SNX5: variants seen among roughly 807,000 people sequenced by gnomAD.
SNX5 encodes the protein sorting nexin 5.
Under a neutral mutation model 53.9 loss-of-function variants are expected in SNX5, and 31 were observed. The observed-to-expected ratio is 0.58, with a 90% CI of 0.43 to 0.78. The LOEUF (loss-of-function observed/expected upper bound fraction) is 0.78. Ranked by LOEUF, SNX5 falls within the 30% of genes least tolerant of loss-of-function variation. SNX5 has a pLI of 0.00. For missense variants in SNX5, 471 were observed against 478.8 expected (o/e 0.98, Z 0.15); for synonymous variants, 168 against 171.1 (o/e 0.98, Z 0.14).
At chr20:17,952,140 G>A (rs992998990) in intron 5 of SNX5, among the ~76,000 whole-genome samples, 6 of 152,066 alleles carry the variant, frequency 3.9e-5, no homozygotes, top group African/African-American at 1.4e-4. Flanking sequence ...GGAGAATGGC[G>A]TGAACCCAGA....
rs764792798 is a variant in SNX5 at position 17,951,590 on chromosome 20, A to C, written c.519T>G (p.Ser173Arg). 3 of 1,606,648 alleles carry C rather than the reference A, an allele frequency of 1.9e-6. No homozygotes were observed. The highest frequency in any genetic ancestry group is 2.6e-6 in the Non-Finnish European group (3 of 1,173,880). Residue 173 changes from serine to arginine, a missense_variant, in exon 6 of 13, where the codon AGT becomes AGG. Ser to Arg is a moderately radical substitution (Grantham distance 110). Transcript: ENST00000377759. The stretch of plus-strand genomic sequence containing the variant: ...TCTCTTTAGTATTTTTCCGCCTAAC[A>C]CTTAGCTAAAAGAAGAAAATTCCAA... ...HVFLEYDQDLSVRRKNTKEMF... is the reference protein window; with the variant it reads ...HVFLEYDQDLRVRRKNTKEMF...
chr20:17,947,458 G>A (rs775729161), intron 11 of SNX5, 28 bp downstream of exon 11: 36 of 1,604,286 alleles, frequency 2.2e-5, no homozygotes, highest in Middle Eastern at 1.7e-4. Flanking sequence ...TCAAATTACA[G>A]TACAGAAAGA....
intron 6 of SNX5, 35 bp from the exon 7 acceptor site, chr20:17,950,431 G>T: frequency 8.5e-7 from 1 of 1,170,296 alleles, no homozygotes; most frequent in Non-Finnish European, 1.3e-6. Flanking sequence ...GACATTTCAT[G>T]AAATATACTA....
intron 6 of SNX5, chr20:17,951,183 T>C: frequency 3.7e-6 from 1 of 270,454 alleles, no homozygotes; most frequent in East Asian, 8.1e-5. Flanking sequence ...AACTGGACAG[T>C]GTAGTTCTGA....
chr20:17,953,368 C>T (rs902012732), intron 4 of SNX5, among the ~76,000 whole-genome samples: 2 of 152,230 alleles, frequency 1.3e-5, no homozygotes, highest in African/African-American at 4.8e-5. Flanking sequence ...TTCCAAAAAT[C>T]TATTTTTGTT....
At position 17,951,582 on chromosome 20, in the gene SNX5, C is replaced by T. The variant is rs373259467; in HGVS notation, c.527G>A (p.Arg176Gln). 4 of 1,610,206 alleles carry T rather than the reference C, an allele frequency of 2.5e-6. No homozygotes were observed. The highest frequency in any genetic ancestry group is 3.4e-6 in the Non-Finnish European group (4 of 1,177,038). ...LEYDQDLSVR[R>Q]KNTKEMFGGF... Reference sequence around the variant, plus strand: ...ACCAAACATCTCTTTAGTATTTTTCCGCCTAACACTTAGCTAAAAGAAGAA... The same window carrying T: ...ACCAAACATCTCTTTAGTATTTTTCTGCCTAACACTTAGCTAAAAGAAGAA... Residue 176 changes from arginine to glutamine, a missense_variant, in exon 6 of 13, where the codon CGG (arginine) becomes CAG (glutamine). Arg to Gln is a conservative substitution (Grantham distance 43). Coordinates refer to ENST00000377759, the MANE Select transcript of SNX5 (RefSeq NM_014426.4).
Position 17,950,395 on chromosome 20 carries a change from T to G in SNX5, c.611A>C (p.Glu204Ala). ...CTCTTGCTCAAAGAAGTCATCTACC[T>G]CCTAGAAGGAAGAAAAAAAGAACCA... ...ADEVLFTGVK[E>A]VDDFFEQEKN... is the part of the protein sequence containing the mutation. The change falls in exon 7 of 13, where the codon GAG becomes GCG. Residue 204 changes from glutamate (E) to alanine (A), a missense_variant and splice_region_variant. Transcript: ENST00000377759. 6.4e-7 allele frequency: 1 copy of G among 1,570,570 alleles called. No homozygotes were observed. Among genetic ancestry groups the G allele is most frequent in the East Asian group, 2.2e-5 (1 of 44,658 alleles).
intron 11 of SNX5, chr20:17,945,505 A>T (rs1273170494): frequency 6.6e-6 from 1 of 152,070 alleles, no homozygotes; most frequent in African/African-American, 2.4e-5. Context: ...CATTTTTTAA[A>T]GTTTTATGTT....
At chr20:17,953,935 T>G (rs2035308357) in intron 4 of SNX5, 61 bp downstream of exon 4, 2 of 1,405,782 alleles carry the variant, frequency 1.4e-6, no homozygotes, top group Non-Finnish European at 2.0e-6. Context: ...TACTTATTTT[T>G]GTACACAGCA....
chr20:17,968,399 C>T lies in SNX5; in HGVS notation c.27G>A (p.Gln9=), dbSNP rs774358404. Residue 9 remains glutamine (Q), a synonymous_variant, in exon 1 of 13, where the codon CAG becomes CAA. Coordinates refer to ENST00000377759, the MANE Select transcript of SNX5 (RefSeq NM_014426.4). MAAVPELL[Q]QQEEDRSKLR... ...CCTTGCTGCGGTCCTCCTCCTGCTG[C>T]TGCAGCAACTCGGGAACCGCGGCCA... 6 of 1,287,718 alleles carry T rather than the reference C, an allele frequency of 4.7e-6. 1 individual carries two copies. In the Admixed American group the frequency reaches 1.7e-4, roughly 36 times the overall value. 79.8% of individuals were successfully genotyped at this position (1,287,718 alleles called of 1,614,324 possible). A position where few individuals can be genotyped will look rare whatever the true frequency, so the allele number is the denominator to read the frequency against.
intron 1 of SNX5, chr20:17,961,099 A>G: frequency 3.1e-6 from 3 of 982,210 alleles, no homozygotes; most frequent in South Asian, 4.7e-5. Context: ...ACTTCCCTAA[A>G]AGGAGAAAAG....
At chr20:17,948,447 T>C (rs886522017) in intron 10 of SNX5, among the ~76,000 whole-genome samples, 6 of 152,272 alleles carry the variant, frequency 3.9e-5, no homozygotes, top group Admixed American at 1.3e-4. Context: ...TATCTAATTT[T>C]ATTTTGCCTG....
chr20:17,947,905 T>C (rs967779448), intron 10 of SNX5, among the ~76,000 whole-genome samples: 1 of 152,210 alleles, frequency 6.6e-6, no homozygotes, highest in Non-Finnish European at 1.5e-5. Flanking sequence ...TTCCAGTAAT[T>C]CAGTAAATAA....
At chr20:17,952,399 G>T (rs1327345191) in intron 5 of SNX5, among the ~76,000 whole-genome samples, 188 bp downstream of exon 5, 1 of 152,098 alleles carries the variant, frequency 6.6e-6, no homozygotes, top group African/African-American at 2.4e-5. Flanking sequence ...TTTGGAAGGG[G>T]AAAGAAGTCA....
Position 17,943,344 on chromosome 20 carries a change from G to C in SNX5, c.1079-149C>G, listed in dbSNP as rs138656738. 174 of 639,584 alleles carry C rather than the reference G, an allele frequency of 2.7e-4. No individual in the cohort carries two copies. The African/African-American group carries it at 2.9e-3, about 11-fold the overall frequency. 39.6% of individuals were successfully genotyped at this position (639,584 alleles called of 1,614,324 possible). A position where few individuals can be genotyped will look rare whatever the true frequency, so the allele number is the denominator to read the frequency against. On this transcript the variant is annotated intron_variant, in intron 11 of 12. Transcript: ENST00000377759. ...CACATTTGTATTATCTCTGTGACTG[G>C]GACACATCAGACATCTATTAACTGT...
Position 17,965,670 on chromosome 20 carries a change from C to CAAA in SNX5, c.51+2702_51+2704dup, listed in dbSNP as rs74179147. ...TGGGTGACAGAGCCAGACCCTGTCT[C>CAAA]AAAAAAAAAAAAAAAAAAGCCTCTT... On this transcript the variant is annotated intron_variant, in intron 1 of 12. Transcript: ENST00000377759. Among the ~76,000 whole-genome samples, 136 of 96,982 alleles carry CAAA rather than the reference C, an allele frequency of 1.4e-3. 5 individuals are homozygous for CAAA. Among genetic ancestry groups the CAAA allele is most frequent in the African/African-American group, 4.8e-3 (121 of 25,440 alleles). 63.6% of individuals were successfully genotyped at this position (96,982 alleles called of 152,430 possible). A position where few individuals can be genotyped will look rare whatever the true frequency, so the allele number is the denominator to read the frequency against.
Position 17,956,690 on chromosome 20 carries a change from A to C in SNX5, c.156+243T>G, listed in dbSNP as rs1405757292. Reference sequence around the variant, plus strand: ...ACTGTCTCCAAAAAAAAAAAAAAAAAAAAAAAAAAAAAAACAAAAAAACAA... The same window carrying C: ...ACTGTCTCCAAAAAAAAAAAAAAAACAAAAAAAAAAAAAACAAAAAAACAA... On this transcript the variant is annotated intron_variant, in intron 2 of 12. Transcript: ENST00000377759. Among the ~76,000 whole-genome samples, 12 of 145,222 alleles carry C rather than the reference A, an allele frequency of 8.3e-5. No individual in the cohort carries two copies. The South Asian group carries it at 1.5e-3, about 19-fold the overall frequency.
intron 1 of SNX5, among the ~76,000 whole-genome samples, chr20:17,965,822 C>T (rs184867292): frequency 1.3e-5 from 2 of 152,226 alleles, no homozygotes; most frequent in African/African-American, 4.8e-5. Context: ...AAGCTTGATA[C>T]GTCATACTTC....
At chr20:17,957,592 GTACAA>G (rs996786091) in intron 1 of SNX5, among the ~76,000 whole-genome samples, 2 of 152,294 alleles carry the variant, frequency 1.3e-5, no homozygotes, top group African/African-American at 4.8e-5. Flanking sequence ...ATAATGTCAT[GTACAA>G]TACATTTGGC....
Sources: allele counts gnomAD v4.1 joint callset (sites outside exome capture counted in the v4.1 genomes callset), GRCh38; gene constraint gnomAD v4.1.1; transcripts MANE v1.5; gene names NCBI Gene and HGNC (gene_info 2026-07-23, HGNC 2026-07-21).